Variants in VPS13D observed in about 807,000 individuals in gnomAD.
VPS13D encodes the protein vacuolar protein sorting 13 homolog D, also known as intermembrane lipid transfer protein VPS13D.
VPS13D carries 187 observed loss-of-function variants against 461.9 expected under a neutral mutation model. The ratio of observed to expected loss-of-function variants is 0.40; its 90% confidence interval spans 0.36 to 0.46. VPS13D has a LOEUF of 0.46. VPS13D is among the 20% of genes least tolerant of loss of function. The pLI is 0.60. For missense variants in VPS13D, 4,711 were observed against 5,364.9 expected (o/e 0.88, Z 3.81); for synonymous variants, 1,951 against 1,986.3 (o/e 0.98, Z 0.47).
intron 54 of VPS13D, among the ~76,000 whole-genome samples, chr1:12,372,400 C>T (rs1644132475): frequency 6.6e-6 from 1 of 152,072 alleles, no homozygotes; most frequent in Admixed American, 6.6e-5. Flanking sequence ...AAATGATACC[C>T]ATCCTACTGG....
chr1:12,477,203 A>G (rs1051874273), intron 67 of VPS13D, among the ~76,000 whole-genome samples: 1 of 152,180 alleles, frequency 6.6e-6, no homozygotes, highest in African/African-American at 2.4e-5. Context: ...CACCCCTCAG[A>G]GGCCATTTTT....
Position 12,341,877 on chromosome 1 carries a change from A to C in VPS13D, c.8724A>C (p.Thr2908=). 6.2e-7 allele frequency: 1 copy of C among 1,613,944 alleles called. No individual in the cohort carries two copies. Among genetic ancestry groups the C allele is most frequent in the Non-Finnish European group, 8.5e-7 (1 of 1,179,950 alleles). ...CTLWFATLTT[T]PTRAALSHSG... is the part of the protein sequence containing the mutation. ...TGTGGTTTGCCACCCTGACCACCAC[A>C]CCCACCAGGTAAGCAGTCAGTTTAT... is the stretch of plus-strand genomic sequence containing the variant. Residue 2908 remains threonine (T), a synonymous_variant, in exon 41 of 70, where the codon ACA becomes ACC. Transcript: ENST00000620676.
chr1:12,282,640 T>G (rs887359892), intron 20 of VPS13D, 65 bp from the exon 21 acceptor site: 1 of 1,443,554 alleles, frequency 6.9e-7, no homozygotes, highest in Admixed American at 2.0e-5. Flanking sequence ...TGTAGACATT[T>G]ATGGGCATTA....
chr1:12,383,949 A>G (rs993818362), intron 58 of VPS13D, among the ~76,000 whole-genome samples: 5 of 152,228 alleles, frequency 3.3e-5, no homozygotes, highest in African/African-American at 1.2e-4. Flanking sequence ...AGAAGGCTGG[A>G]GATAGAAGCA....
intron 67 of VPS13D, among the ~76,000 whole-genome samples, chr1:12,469,039 A>G (rs74317605): frequency 7.2e-6 from 1 of 138,898 alleles, no homozygotes; most frequent in African/African-American, 3.0e-5. Flanking sequence ...TGTCTCAAAG[A>G]AAAAAAAAAA....
intron 65 of VPS13D, among the ~76,000 whole-genome samples, chr1:12,444,730 A>G (rs1377042937): frequency 1.3e-5 from 2 of 152,206 alleles, no homozygotes; most frequent in Non-Finnish European, 2.9e-5. Flanking sequence ...GATAGTAATC[A>G]TACTATACCA....
intron 41 of VPS13D, 30 bp from the exon 42 acceptor site, chr1:12,342,869 A>T (rs750506156): frequency 3.8e-6 from 6 of 1,591,944 alleles, no homozygotes; most frequent in Non-Finnish European, 3.4e-6. Context: ...AGAAACAGGG[A>T]CAGGCTGATG....
intron 60 of VPS13D, among the ~76,000 whole-genome samples, chr1:12,391,584 A>T (rs911361385): frequency 6.6e-6 from 1 of 152,222 alleles, no homozygotes; most frequent in Non-Finnish European, 1.5e-5. Flanking sequence ...TTCAGTTTGC[A>T]GGTGTGCACC....
chr1:12,268,543 A>G (rs1210860823), intron 15 of VPS13D, among the ~76,000 whole-genome samples, 163 bp from the exon 16 acceptor site: 1 of 152,182 alleles, frequency 6.6e-6, no homozygotes, highest in Non-Finnish European at 1.5e-5. Context: ...AAAATTAAAC[A>G]GTCAATCCTG....
chr1:12,509,183 G>A lies in VPS13D; in HGVS notation c.*159G>A, dbSNP rs558277707. ...AATCCTCATGAGGAAAAGTACAAAT[G>A]GAAATCGTATTAATTTGTGAGGCAG... On this transcript the variant is annotated 3_prime_UTR_variant, in exon 70 of 70. Transcript: ENST00000620676. The A allele has an allele frequency of 5.0e-4, 417 of 836,878 alleles. No individual in the cohort carries two copies. The highest frequency in any genetic ancestry group is 6.8e-4 in the Non-Finnish European group (389 of 574,848). 51.8% of individuals were successfully genotyped at this position (836,878 alleles called of 1,614,324 possible).
In VPS13D at chr1:12,348,920, A is replaced by G; in HGVS notation, c.9167A>G (p.Asn3056Ser). 3 of 1,614,202 alleles carry G rather than the reference A, an allele frequency of 1.9e-6. No homozygotes were observed. The highest frequency in any genetic ancestry group is 1.1e-5 in the South Asian group (1 of 91,080). The change falls in exon 45 of 70, where the codon AAC (asparagine) becomes AGC (serine). Residue 3056 changes from asparagine (N) to serine (S), a missense_variant. Asn to Ser is a conservative substitution (Grantham distance 46). Coordinates refer to ENST00000620676, the MANE Select transcript of VPS13D (RefSeq NM_015378.4). ...GTCCGGTCAGCCCTCATTGTGAGGA[A>G]CAGACTTGAGACACCAATGGAACTA... Reference protein sequence around the residue: ...ITVRSALIVRNRLETPMELRL... With the variant: ...ITVRSALIVRSRLETPMELRL...
In VPS13D at chr1:12,314,304, C is replaced by T; in HGVS notation, c.7125C>T (p.Ser2375=). Residue 2375 remains serine, a synonymous_variant, in exon 30 of 70, where the codon TCC becomes TCT. Coordinates refer to ENST00000620676, the MANE Select transcript of VPS13D (RefSeq NM_015378.4). ...AGAACAGCAGCACCACCCAAGGGTC[C>T]ATTCAGATTGAACTACATTTCAGGT... ...PAKNSSTTQG[S]IQIELHFRST... is the part of the protein sequence containing the mutation. 2 of 1,613,838 alleles carry T rather than the reference C, an allele frequency of 1.2e-6. No individual in the cohort carries two copies. Among genetic ancestry groups the T allele is most frequent in the Non-Finnish European group, 1.7e-6 (2 of 1,179,758 alleles).
intron 67 of VPS13D, among the ~76,000 whole-genome samples, chr1:12,492,625 T>C (rs1645898200): frequency 6.6e-6 from 1 of 152,212 alleles, no homozygotes; most frequent in African/African-American, 2.4e-5. Flanking sequence ...GTTTATATCT[T>C]GTGAGCCAGC....
rs988903106 is a variant in VPS13D at position 12,321,854 on chromosome 1, A to G, written c.7594A>G (p.Ile2532Val). 5 of 1,612,380 alleles carry G rather than the reference A, an allele frequency of 3.1e-6. No individual in the cohort carries two copies. The highest frequency in any genetic ancestry group is 1.7e-4 in the Middle Eastern group (1 of 6,052). The change falls in exon 33 of 70, where the codon ATT (isoleucine) becomes GTT (valine). Residue 2532 changes from isoleucine to valine, a missense_variant. By Grantham distance (29) the Ile-to-Val change is conservative. Transcript: ENST00000620676. Reference sequence around the variant, plus strand: ...GAATGAGCATGATACAGCTCTTTCAATTGTGGATCCCGTACAAATTCAAAT... The same window carrying G: ...GAATGAGCATGATACAGCTCTTTCAGTTGTGGATCCCGTACAAATTCAAAT... ...LGNEHDTALSIVDPVQIQMEL... is the reference protein window; with the variant it reads ...LGNEHDTALSVVDPVQIQMEL...
intron 67 of VPS13D, among the ~76,000 whole-genome samples, chr1:12,471,468 C>G (rs1314318949): frequency 6.6e-6 from 1 of 152,178 alleles, no homozygotes; most frequent in African/African-American, 2.4e-5. Context: ...ATCTCCTGCC[C>G]TACCTTTCCC....
chr1:12,435,043 A>G (rs911697582), intron 65 of VPS13D, among the ~76,000 whole-genome samples: 5 of 152,216 alleles, frequency 3.3e-5, no homozygotes, highest in African/African-American at 7.2e-5. Context: ...AGCCCTGCGG[A>G]ATATGTTAGT....
rs114161558 is a variant in VPS13D at position 12,495,454 on chromosome 1, G to A, written c.12663-2046G>A. Among the ~76,000 whole-genome samples, 717 of 152,258 alleles carry A rather than the reference G, an allele frequency of 4.7e-3. 3 individuals are homozygous for A. Among genetic ancestry groups the A allele is most frequent in the African/African-American group, 0.016 (684 of 41,544 alleles). ...ATTACAGGCGTGAGCCACTGCGCCC[G>A]GCCGATGTAACATCTTTTGAAAGGG... is the stretch of plus-strand genomic sequence containing the variant. On this transcript the variant is annotated intron_variant, in intron 67 of 69. Transcript: ENST00000620676. This position sits in a 1 kb window ranked among gnomAD's most constrained non-coding sequence, Gnocchi z 4.0.
In VPS13D at chr1:12,258,066, A is replaced by G. The variant is rs530482372; in HGVS notation, c.1073A>G (p.Asn358Ser). ...GTATCTTACACTGACAAATATTTCAACAAGTTAAAAGGAGGCCTGCTGTCC... is the reference window on the plus strand; with the variant it reads ...GTATCTTACACTGACAAATATTTCAGCAAGTTAAAAGGAGGCCTGCTGTCC... ...DAVSYTDKYF[N>S]KLKGGLLSTD... is the part of the protein sequence containing the mutation. The change falls in exon 10 of 70, where the codon AAC becomes AGC. Residue 358 changes from asparagine to serine, a missense_variant. Physicochemically the swap from Asn to Ser is conservative, Grantham distance 46. Around this residue, in one of 3 missense-constraint regions of VPS13D, gnomAD observed 4,411 missense variants for 4,937.8 expected, o/e 0.89. Coordinates refer to ENST00000620676, the MANE Select transcript of VPS13D (RefSeq NM_015378.4). 7 of 1,614,112 alleles carry G rather than the reference A, an allele frequency of 4.3e-6. No homozygotes were observed. The highest frequency in any genetic ancestry group is 5.1e-6 in the Non-Finnish European group (6 of 1,180,056).
At chr1:12,508,130 A>G (rs1488869753) in intron 69 of VPS13D, among the ~76,000 whole-genome samples, 3 of 152,228 alleles carry the variant, frequency 2.0e-5, no homozygotes, top group Non-Finnish European at 4.4e-5. Context: ...AGCACCTCAA[A>G]GTGTGAGTAT....
Sources: allele counts gnomAD v4.1 joint callset (sites outside exome capture counted in the v4.1 genomes callset), GRCh38; gene constraint gnomAD v4.1.1; regional missense constraint gnomAD v4.1.1; non-coding constraint Gnocchi (gnomAD v3.1); transcripts MANE v1.5; gene names NCBI Gene and HGNC (gene_info 2026-07-23, HGNC 2026-07-21).